PLEKHB1: variants seen among roughly 807,000 people sequenced by gnomAD.
PLEKHB1 encodes pleckstrin homology domain-containing family B member 1.
In PLEKHB1, 29 loss-of-function variants were observed where a neutral mutation model predicts 36.2. The observed-to-expected ratio is 0.80, with a 90% CI of 0.60 to 1.09. The LOEUF is 1.09. Ranked by LOEUF, PLEKHB1 falls within the 50% of genes least tolerant of loss-of-function variation. The pLI is 0.00. For synonymous variants in PLEKHB1, 138 were observed against 140.0 expected (o/e 0.99, Z 0.10); for missense variants, 330 against 348.2 (o/e 0.95, Z 0.42).
chr11:73,651,764 C>T, intron 3 of PLEKHB1, 24 bp from the exon 4 acceptor site: 1 of 1,597,262 alleles, frequency 6.3e-7, no homozygotes, highest in South Asian at 1.1e-5. Context: ...CTGTGGAAAC[C>T]CATATATGTG....
intron 6 of PLEKHB1, among the ~76,000 whole-genome samples, chr11:73,656,902 C>G (rs1945004692): frequency 6.6e-6 from 1 of 152,180 alleles, no homozygotes; most frequent in Non-Finnish European, 1.5e-5. Flanking sequence ...CCTATAATCC[C>G]AGAACTTTGG....
chr11:73,657,353 T>G (rs1192620161), intron 6 of PLEKHB1, among the ~76,000 whole-genome samples: 1 of 152,176 alleles, frequency 6.6e-6, no homozygotes, highest in African/African-American at 2.4e-5. Context: ...CAAACTAGGA[T>G]GCAAGTTTGT....
At chr11:73,651,578 G>A (rs1283216532) in intron 3 of PLEKHB1, 5 of 658,790 alleles carry the variant, frequency 7.6e-6, no homozygotes, top group Non-Finnish European at 1.1e-5. Context: ...GGGTAACTGG[G>A]AGGTGTGCTG....
intron 2 of PLEKHB1, among the ~76,000 whole-genome samples, 178 bp downstream of exon 2, chr11:73,649,265 T>C (rs1172995226): frequency 6.6e-6 from 1 of 152,156 alleles, no homozygotes; most frequent in African/African-American, 2.4e-5. Flanking sequence ...TAAACTTCTA[T>C]TTGTTCATCA....
chr11:73,654,480 C>T (rs529786676), intron 5 of PLEKHB1, among the ~76,000 whole-genome samples: 2 of 152,300 alleles, frequency 1.3e-5, no homozygotes, highest in Admixed American at 1.3e-4. Flanking sequence ...TTCCAACAAC[C>T]CTGGCAGGGC....
chr11:73,660,819 T>C lies in PLEKHB1; in HGVS notation c.562T>C (p.Tyr188His). ...VVPPNAHEAT[Y>H]VRSYYGPPYA... ...GCCCCCCAATGCACACGAGGCCACG[T>C]ATGTCCGCAGCTACTACGGACCGCC... is the stretch of plus-strand genomic sequence containing the variant. The change falls in exon 7 of 8, where the codon TAT becomes CAT. Residue 188 changes from tyrosine (Y) to histidine (H), a missense_variant. Physicochemically the swap from Tyr to His is moderately conservative, Grantham distance 83. Transcript: ENST00000354190. 6.2e-7 allele frequency: 1 copy of C among 1,600,796 alleles called. No homozygotes were observed. Among genetic ancestry groups the C allele is most frequent in the Non-Finnish European group, 8.5e-7 (1 of 1,175,010 alleles).
At chr11:73,649,553 G>A (rs676375) in intron 2 of PLEKHB1, among the ~76,000 whole-genome samples, 16,947 of 152,190 alleles carry the variant, frequency 0.11, 3,094 homozygotes, top group African/African-American at 0.38. Context: ...GACACAGAAC[G>A]AGGCACAGAA....
chr11:73,646,704 A>C (rs1944778851), intron 1 of PLEKHB1, 78 bp downstream of exon 1: 1 of 1,485,660 alleles, frequency 6.7e-7, no homozygotes, highest in Non-Finnish European at 9.2e-7. Context: ...GACGGGACAG[A>C]AGTCTTTTAG....
At chr11:73,656,828 TGG>T (rs1452108950) in intron 6 of PLEKHB1, among the ~76,000 whole-genome samples, 1 of 152,216 alleles carries the variant, frequency 6.6e-6, no homozygotes, top group Non-Finnish European at 1.5e-5. Flanking sequence ...TAATCTGGCA[TGG>T]GGCCTAGGCC....
chr11:73,650,773 A>G (rs761576122), intron 3 of PLEKHB1, 68 bp downstream of exon 3: 11 of 1,465,406 alleles, frequency 7.5e-6, no homozygotes, highest in Admixed American at 2.6e-5. Context: ...CTCCGAGAAC[A>G]CTTGCTGTTG....
Position 73,649,013 on chromosome 11 carries a change from TCCCG to T in PLEKHB1, c.23_26del (p.Pro8LeufsTer15), listed in dbSNP as rs1489783134. 6.3e-7 allele frequency: 1 copy of T among 1,590,184 alleles called. No homozygotes were observed. Among genetic ancestry groups the T allele is most frequent in the Non-Finnish European group, 8.6e-7 (1 of 1,168,482 alleles). ...TGTCTCCCGTGGCTCCTCTGACAGG[TCCCG>T]CCTGACTCCGCTCTGGAAAGTCCTT... On this transcript the variant is annotated frameshift_variant and splice_region_variant, in exon 2 of 8. Transcript: ENST00000354190. LOFTEE classifies it high-confidence loss of function.
At position 73,651,799 on chromosome 11, in the gene PLEKHB1, C is replaced by G. The variant is rs763110716; in HGVS notation, c.259C>G (p.Pro87Ala). The change falls in exon 4 of 8, where the codon CCA becomes GCA. Residue 87 changes from proline to alanine, a missense_variant. Pro to Ala is a conservative substitution (Grantham distance 27). Transcript: ENST00000354190. Reference protein sequence around the residue: ...IGPECHDVQPPEGRSRDGLLT... With the variant: ...IGPECHDVQPAEGRSRDGLLT... ...GTGTCTGCTTCCAGATGTGCAGCCC[C>G]CAGAGGGCCGGAGCCGAGATGGCCT... is the stretch of plus-strand genomic sequence containing the variant. The G allele has an allele frequency of 6.2e-7, 1 of 1,613,566 alleles. No individual in the cohort carries two copies. Among genetic ancestry groups the G allele is most frequent in the South Asian group, 1.1e-5 (1 of 91,028 alleles).
chr11:73,646,875 C>A (rs1009472505), intron 1 of PLEKHB1, among the ~76,000 whole-genome samples: 25 of 152,128 alleles, frequency 1.6e-4, no homozygotes, highest in African/African-American at 6.0e-4. Flanking sequence ...CTTCACTGTG[C>A]CCTAGAGGGG....
rs576831393 is a variant in PLEKHB1 at position 73,655,913 on chromosome 11, T to G, written c.495+6T>G. The stretch of plus-strand genomic sequence containing the variant: ...AGGTTGAGAGGCGGATCTGGGTAAG[T>G]GCTGGCTCGGCCCTCCCTGCCTCCA... On this transcript the variant is annotated splice_donor_region_variant and intron_variant, in intron 6 of 7. Transcript: ENST00000354190. 4.3e-6 allele frequency: 7 copies of G among 1,613,168 alleles called. No individual in the cohort carries two copies. In the East Asian group the frequency reaches 1.6e-4, roughly 36 times the overall value.
chr11:73,650,807 G>C, intron 3 of PLEKHB1, 102 bp downstream of exon 3: 1 of 1,348,554 alleles, frequency 7.4e-7, no homozygotes, highest in South Asian at 1.5e-5. Flanking sequence ...AGCTTTCAGA[G>C]GCATTTCACA....
At chr11:73,648,798 C>T in intron 1 of PLEKHB1, 1 of 1,316,066 alleles carries the variant, frequency 7.6e-7, no homozygotes, top group South Asian at 1.7e-5. Context: ...CCCACCCCCA[C>T]CCCACACCAA....
chr11:73,656,222 C>T (rs770010717), intron 6 of PLEKHB1, among the ~76,000 whole-genome samples: 3 of 152,220 alleles, frequency 2.0e-5, no homozygotes, highest in Non-Finnish European at 4.4e-5. Flanking sequence ...TCCTAGACCA[C>T]TAGGCATCGT....
chr11:73,661,558 G>A lies in PLEKHB1; in HGVS notation c.688G>A (p.Gly230Arg). ...AMGMLAGAAT[G>R]AALGSLMWSP... ...GGGCATGCTTGCGGGAGCCGCCACT[G>A]GGGCGGCGCTGGGCTCGCTCATGTG... The change falls in exon 8 of 8, where the codon GGG becomes AGG. Residue 230 changes from glycine (G) to arginine (R), a missense_variant. Transcript: ENST00000354190. The surrounding 1 kb of genome is among the most constrained non-coding windows in gnomAD (Gnocchi z 4.6). 6.2e-7 allele frequency: 1 copy of A among 1,609,456 alleles called. No individual in the cohort carries two copies. The highest frequency in any genetic ancestry group is 8.5e-7 in the Non-Finnish European group (1 of 1,177,536).
intron 1 of PLEKHB1, chr11:73,647,437 T>G: frequency 3.0e-6 from 1 of 337,190 alleles, no homozygotes; most frequent in Non-Finnish European, 4.2e-6. Flanking sequence ...GATAAATGAG[T>G]GAACAAATGT....
Sources: allele counts gnomAD v4.1 joint callset (sites outside exome capture counted in the v4.1 genomes callset), GRCh38; gene constraint gnomAD v4.1.1; non-coding constraint Gnocchi (gnomAD v3.1); transcripts MANE v1.5; gene names NCBI Gene and HGNC (gene_info 2026-07-23, HGNC 2026-07-21).